ZNF682: variants seen among roughly 807,000 people sequenced by gnomAD.
ZNF682 encodes zinc finger protein 682.
ZNF682 carries 29 observed loss-of-function variants against 36.5 expected under a neutral mutation model. The observed-to-expected ratio is 0.80, with a 90% CI of 0.59 to 1.08. ZNF682 has a LOEUF of 1.08. ZNF682 is among the 50% of genes least tolerant of loss of function. The pLI is 0.00. For missense variants in ZNF682, 561 were observed against 579.7 expected, an observed-to-expected ratio of 0.97 and a Z score of 0.33; for synonymous variants, 180 against 197.0, an observed-to-expected ratio of 0.91 and a Z score of 0.72.
intron 1 of ZNF682, among the ~76,000 whole-genome samples, chr19:20,025,979 G>A (rs914470257): frequency 6.6e-6 from 1 of 152,110 alleles, no homozygotes; most frequent in Non-Finnish European, 1.5e-5. Flanking sequence ...TGGGCAATTA[G>A]TGACATCCTC....
At chr19:20,000,266 C>T (rs141452436), downstream of ZNF682, among the ~76,000 whole-genome samples, 905 of 152,332 alleles carry the variant, frequency 5.9e-3, 9 homozygotes, top group African/African-American at 0.02. Context: ...AGAGACAACT[C>T]TGTATCCAGC....
chr19:20,012,612 CAA>C (rs2088299408), intron 3 of ZNF682, among the ~76,000 whole-genome samples: 1 of 151,562 alleles, frequency 6.6e-6, no homozygotes, highest in African/African-American at 2.4e-5. Context: ...CTAAAAAATA[CAA>C]AAAATTAGTG....
At chr19:20,007,657 G>T in intron 3 of ZNF682, 1 of 180,194 alleles carries the variant, frequency 5.5e-6, no homozygotes, top group Admixed American at 5.6e-5. Context: ...CCTTCTCCTT[G>T]AAAGGCATTT....
At position 20,005,467 on chromosome 19, in the gene ZNF682, T is replaced by C. The variant is rs117643566; in HGVS notation, c.*538A>G. 1,973 of 152,622 alleles carry C rather than the reference T, an allele frequency of 0.013. 20 individuals are homozygous for C. Among genetic ancestry groups the C allele is most frequent in the South Asian group, 0.032 (155 of 4,838 alleles). The allele number at this position is 152,622 out of a possible 1,614,324, so 9.5% of individuals were successfully genotyped here. A position where few individuals can be genotyped will look rare whatever the true frequency, so the allele number is the denominator to read the frequency against. On this transcript the variant is annotated 3_prime_UTR_variant, in exon 4 of 4. Coordinates refer to ENST00000397165, the MANE Select transcript of ZNF682 (RefSeq NM_033196.3). ...TAAATTATCTAAAATGGAATAAAAT[T>C]TGAGCAACTGTTAGAGGGTTACCTT... is the stretch of plus-strand genomic sequence containing the variant.
At chr19:20,010,737 C>T (rs941916726) in intron 3 of ZNF682, among the ~76,000 whole-genome samples, 5 of 152,048 alleles carry the variant, frequency 3.3e-5, no homozygotes, top group East Asian at 3.9e-4. Flanking sequence ...GAGACTGAGG[C>T]GGGCAGATCA....
downstream of ZNF682, among the ~76,000 whole-genome samples, chr19:19,995,338 G>A (rs74892370): frequency 0.065 from 9,893 of 152,040 alleles, 523 homozygotes; most frequent in East Asian, 0.19. Flanking sequence ...CTCCAGAGTC[G>A]GCCACTCATC....
downstream of ZNF682, among the ~76,000 whole-genome samples, chr19:20,003,560 C>G (rs1400402203): frequency 6.6e-6 from 1 of 151,870 alleles, no homozygotes; most frequent in African/African-American, 2.4e-5. Context: ...AAAAAATTAG[C>G]TGGGCGTGGT....
intron 2 of ZNF682, among the ~76,000 whole-genome samples, chr19:20,023,810 C>T (rs749664139): frequency 2.7e-4 from 41 of 151,740 alleles, no homozygotes; most frequent in Non-Finnish European, 3.7e-4. Context: ...AGTGAAACCT[C>T]CTCTTTACTA....
At chr19:20,000,956 CTA>C (rs1312848689), downstream of ZNF682, among the ~76,000 whole-genome samples, 1 of 152,166 alleles carries the variant, frequency 6.6e-6, no homozygotes, top group Non-Finnish European at 1.5e-5. Context: ...CTAGAGGTCT[CTA>C]TAGCTAGGAA....
At chr19:20,019,429 A>G (rs12978376) in intron 3 of ZNF682, among the ~76,000 whole-genome samples, 80,520 of 151,986 alleles carry the variant, frequency 0.53, 22,824 homozygotes, top group Middle Eastern at 0.65. Context: ...TTATTTTTTG[A>G]GGTATGACAC....
chr19:20,001,903 GCT>G (rs1192765046), downstream of ZNF682, among the ~76,000 whole-genome samples: 1 of 152,108 alleles, frequency 6.6e-6, no homozygotes, highest in East Asian at 1.9e-4. Flanking sequence ...CTGAAGCAAT[GCT>G]CTTTTTGCCT....
rs1467378666 is a variant in ZNF682 at position 20,006,746 on chromosome 19, A to G, written c.756T>C (p.Thr252=). 6.2e-7 allele frequency: 1 copy of G among 1,613,798 alleles called. No homozygotes were observed. Among genetic ancestry groups the G allele is most frequent in the African/African-American group, 1.3e-5 (1 of 74,944 alleles). The part of the protein sequence containing the change: ...SSLTKHKRIH[T]GEKPYKCEEC... ...CTTCACATTTGTAGGGTTTCTCACCAGTATGGATTCTCTTATGTTTAGTAA... is the reference window on the plus strand; with the variant it reads ...CTTCACATTTGTAGGGTTTCTCACCGGTATGGATTCTCTTATGTTTAGTAA... Residue 252 remains threonine, a synonymous_variant, in exon 4 of 4, where the codon ACT becomes ACC. Coordinates refer to ENST00000397165, the MANE Select transcript of ZNF682 (RefSeq NM_033196.3).
chr19:20,003,536 C>T (rs1388704431), downstream of ZNF682, among the ~76,000 whole-genome samples: 1 of 151,682 alleles, frequency 6.6e-6, no homozygotes, highest in Non-Finnish European at 1.5e-5. Context: ...AACCCCGTCT[C>T]TACTAAAAAT....
chr19:19,998,059 C>T (rs796941225), intron 3 of ZNF682, among the ~76,000 whole-genome samples: 9 of 152,172 alleles, frequency 5.9e-5, no homozygotes, highest in Non-Finnish European at 1.5e-5. Context: ...TACACTCACC[C>T]TGTGCCAGCT....
intron 1 of ZNF682, among the ~76,000 whole-genome samples, chr19:20,034,553 C>T (rs577800808): frequency 1.2e-4 from 19 of 152,096 alleles, no homozygotes; most frequent in Admixed American, 7.9e-4. Context: ...CCGAGGCGGA[C>T]GGATCACCTG....
At chr19:20,001,155 A>G (rs1163429811), downstream of ZNF682, among the ~76,000 whole-genome samples, 1 of 152,216 alleles carries the variant, frequency 6.6e-6, no homozygotes, top group Non-Finnish European at 1.5e-5. Context: ...ATTAGAGGAA[A>G]GGCTTTCATC....
intron 3 of ZNF682, chr19:20,015,623 C>T (rs2088328059): frequency 5.9e-6 from 1 of 170,694 alleles, no homozygotes; most frequent in Non-Finnish European, 1.2e-5. Context: ...TTCTAGATAG[C>T]TACAATTTTC....
At chr19:20,004,272 G>T (rs928114451), downstream of ZNF682, 1 of 152,094 alleles carries the variant, frequency 6.6e-6, no homozygotes, top group African/African-American at 2.4e-5. Flanking sequence ...GAAGTTTAAA[G>T]TCACTAAGGA....
At chr19:20,016,917 A>G (rs1278150056) in intron 3 of ZNF682, among the ~76,000 whole-genome samples, 1 of 152,160 alleles carries the variant, frequency 6.6e-6, no homozygotes, top group African/African-American at 2.4e-5. Flanking sequence ...TAGATACGCA[A>G]TACGAAATGA....
Sources: allele counts gnomAD v4.1 joint callset (sites outside exome capture counted in the v4.1 genomes callset), GRCh38; gene constraint gnomAD v4.1.1; transcripts MANE v1.5; gene names NCBI Gene and HGNC (gene_info 2026-07-23, HGNC 2026-07-21).